CAMK2D: variants seen among roughly 807,000 people sequenced by gnomAD.
CAMK2D encodes calcium/calmodulin dependent protein kinase II delta.
A neutral mutation model predicts 84.0 loss-of-function variants in CAMK2D; 37 were observed. The observed-to-expected ratio is 0.44, with a 90% CI of 0.34 to 0.58. The LOEUF (loss-of-function observed/expected upper bound fraction) is 0.58, where lower values mean the gene tolerates loss of function less well. Among genes scored for constraint, CAMK2D ranks in the 20% least tolerant of loss-of-function variants. CAMK2D has a pLI of 0.02. For missense variants in CAMK2D, 448 were observed against 652.5 expected (o/e 0.69, Z 3.41); for synonymous variants, 202 against 212.5 (o/e 0.95, Z 0.43).
intron 4 of CAMK2D, among the ~76,000 whole-genome samples, chr4:113,607,056 G>A (rs1407641240): frequency 6.6e-6 from 1 of 151,828 alleles, no homozygotes; most frequent in Non-Finnish European, 1.5e-5. Flanking sequence ...GAATAAAGGG[G>A]AAATCGAGAC....
At chr4:113,586,491 A>G (rs959317556) in intron 4 of CAMK2D, among the ~76,000 whole-genome samples, 1 of 152,192 alleles carries the variant, frequency 6.6e-6, no homozygotes, top group Non-Finnish European at 1.5e-5. Flanking sequence ...AAGAGTCCTG[A>G]AGAATGCACT....
At chr4:113,544,680 T>G (rs1022856317) in intron 6 of CAMK2D, among the ~76,000 whole-genome samples, 2 of 152,204 alleles carry the variant, frequency 1.3e-5, no homozygotes, top group African/African-American at 4.8e-5. Flanking sequence ...ATTAAGACCC[T>G]GACTTGATCC....
At chr4:113,754,416 T>C (rs1458790595) in intron 2 of CAMK2D, 2 of 960,990 alleles carry the variant, frequency 2.1e-6, no homozygotes, top group Non-Finnish European at 2.5e-6. Flanking sequence ...GTAAGATTTC[T>C]AGTAATTCGT....
chr4:113,582,321 T>C (rs2098814074), intron 4 of CAMK2D, among the ~76,000 whole-genome samples: 1 of 152,192 alleles, frequency 6.6e-6, no homozygotes, highest in Non-Finnish European at 1.5e-5. Flanking sequence ...ATAAAAGCAT[T>C]TAAATCTAGG....
intron 2 of CAMK2D, among the ~76,000 whole-genome samples, chr4:113,701,501 GTCCAAGGA>G (rs2099417367): frequency 6.6e-6 from 1 of 152,128 alleles, no homozygotes; most frequent in Admixed American, 6.6e-5. Context: ...CAAAGCACTG[GTCCAAGGA>G]AAATTGGCCA....
intron 3 of CAMK2D, among the ~76,000 whole-genome samples, chr4:113,652,589 T>C (rs1057142224): frequency 2.0e-5 from 3 of 152,164 alleles, no homozygotes; most frequent in Non-Finnish European, 1.5e-5. Context: ...GAGGTGGGAT[T>C]CTGCACAACT....
At chr4:113,556,625 G>A (rs968421471) in intron 4 of CAMK2D, among the ~76,000 whole-genome samples, 16 of 152,044 alleles carry the variant, frequency 1.1e-4, no homozygotes, top group African/African-American at 3.9e-4. Flanking sequence ...TTCTAGGTGC[G>A]GCAGAACTAC....
At chr4:113,462,805 TAACA>T (rs2097404609) in intron 17 of CAMK2D, among the ~76,000 whole-genome samples, 1 of 151,352 alleles carries the variant, frequency 6.6e-6, no homozygotes, top group African/African-American at 2.4e-5. Flanking sequence ...TTTTTAACAA[TAACA>T]AACACAACTT....
At chr4:113,696,968 A>G (rs74868750) in intron 2 of CAMK2D, among the ~76,000 whole-genome samples, 1 of 152,260 alleles carries the variant, frequency 6.6e-6, no homozygotes, top group African/African-American at 2.4e-5. Flanking sequence ...TAGTATGAAA[A>G]GCAGCATAAT....
chr4:113,585,519 C>T (rs2098829828), intron 4 of CAMK2D, among the ~76,000 whole-genome samples: 1 of 152,116 alleles, frequency 6.6e-6, no homozygotes, highest in Non-Finnish European at 1.5e-5. Flanking sequence ...GTGTGTGCTA[C>T]TTTATACATC....
intron 2 of CAMK2D, among the ~76,000 whole-genome samples, chr4:113,737,124 A>C (rs57157797): frequency 0.058 from 8,769 of 152,226 alleles, 887 homozygotes; most frequent in African/African-American, 0.2. Flanking sequence ...TCACTGATAT[A>C]CTTTCTTTCT....
At chr4:113,603,259 T>A (rs980923043) in intron 4 of CAMK2D, among the ~76,000 whole-genome samples, 1 of 151,874 alleles carries the variant, frequency 6.6e-6, no homozygotes, top group African/African-American at 2.4e-5. Context: ...ATGTGCACAA[T>A]GTGCAGGTTA....
intron 3 of CAMK2D, among the ~76,000 whole-genome samples, chr4:113,661,084 C>T (rs540131195): frequency 2.0e-5 from 3 of 152,168 alleles, no homozygotes; most frequent in South Asian, 2.1e-4. Context: ...CATGAGCCAC[C>T]GCGCCCGGCC....
intron 2 of CAMK2D, among the ~76,000 whole-genome samples, chr4:113,701,575 G>A (rs1343512831): frequency 6.6e-6 from 1 of 152,180 alleles, no homozygotes; most frequent in African/African-American, 2.4e-5. Context: ...TCTCAGGTTA[G>A]CTAAAATGAT....
chr4:113,626,679 G>A (rs1041717773), intron 3 of CAMK2D, among the ~76,000 whole-genome samples: 8 of 152,162 alleles, frequency 5.3e-5, no homozygotes, highest in Non-Finnish European at 1.0e-4. Flanking sequence ...TCTTGGCAAA[G>A]TAGACAGCGG....
At chr4:113,743,159 T>C (rs2099596669) in intron 2 of CAMK2D, among the ~76,000 whole-genome samples, 1 of 152,166 alleles carries the variant, frequency 6.6e-6, no homozygotes, top group East Asian at 1.9e-4. Context: ...CCTCACCTCA[T>C]CTCTCTGCTA....
intron 3 of CAMK2D, among the ~76,000 whole-genome samples, chr4:113,621,410 C>T (rs1033202488): frequency 6.6e-6 from 1 of 152,068 alleles, no homozygotes; most frequent in African/African-American, 2.4e-5. Context: ...TTGGTTTTGC[C>T]ACCTCTATTC....
intron 4 of CAMK2D, among the ~76,000 whole-genome samples, chr4:113,595,832 C>T (rs188226334): frequency 5.3e-5 from 8 of 152,298 alleles, no homozygotes; most frequent in African/African-American, 1.9e-4. Context: ...GTTCTCGCCT[C>T]AGTGTTGATG....
intron 4 of CAMK2D, among the ~76,000 whole-genome samples, chr4:113,584,370 G>A (rs1045528344): frequency 3.9e-5 from 6 of 152,194 alleles, no homozygotes; most frequent in Admixed American, 2.6e-4. Context: ...AGAATGTGAA[G>A]CATGGGAGCT....
Sources: gnomAD v4.1 joint callset for allele counts (sites outside exome capture counted in the v4.1 genomes callset) on GRCh38, gnomAD v4.1.1 for gene constraint, MANE v1.5 for transcripts, NCBI Gene and HGNC (gene_info 2026-07-23, HGNC 2026-07-21) for gene names.